The following FAM24B variants were observed in gnomAD, a reference collection of about 807,000 sequenced individuals.
FAM24B encodes the protein protein FAM24B.
A neutral mutation model predicts 2.3 loss-of-function variants in FAM24B; 3 were observed. The ratio of observed to expected loss-of-function variants is 1.29; its 90% CI spans 0.59 to 3.32. FAM24B has a LOEUF of 3.32. Ranked by LOEUF, FAM24B falls within the 30% of genes most tolerant of loss-of-function variation. FAM24B has a pLI of 0.03. For missense variants in FAM24B, 98 were observed against 117.2 expected, an observed-to-expected ratio of 0.84 and a Z score of 0.76; for synonymous variants, 36 against 46.3, an observed-to-expected ratio of 0.78 and a Z score of 0.90.
chr10:122,849,454 C>A lies in FAM24B; in HGVS notation c.93-15G>T, dbSNP rs749167641. ...CCTTTGCAGCTCTTGAGAAAAGACA[C>A]ACACAAAGCACAGGCTTAGAATTTT... On this transcript the variant is annotated splice_polypyrimidine_tract_variant and intron_variant, in intron 3 of 3. Coordinates refer to ENST00000368898, the MANE Select transcript of FAM24B (RefSeq NM_152644.3). 2 of 1,595,716 alleles carry A rather than the reference C, an allele frequency of 1.3e-6. No individual in the cohort carries two copies. The highest frequency in any genetic ancestry group is 1.7e-6 in the Non-Finnish European group (2 of 1,170,714).
chr10:122,871,941 A>G (rs894194782), intron 1 of FAM24B, among the ~76,000 whole-genome samples: 2 of 152,224 alleles, frequency 1.3e-5, no homozygotes, highest in African/African-American at 4.8e-5. Context: ...GACAAACGGG[A>G]TCTAATTAAA....
chr10:122,876,594 C>T (rs1165871018), intron 1 of FAM24B, among the ~76,000 whole-genome samples: 1 of 152,212 alleles, frequency 6.6e-6, no homozygotes, highest in East Asian at 1.9e-4. Flanking sequence ...AGCAAGTCAT[C>T]AATGACCATT....
chr10:122,870,362 G>A (rs1300874826), intron 1 of FAM24B, among the ~76,000 whole-genome samples: 3 of 152,146 alleles, frequency 2.0e-5, no homozygotes, highest in African/African-American at 4.8e-5. Flanking sequence ...GAGGTACAAG[G>A]AGGAGCTGGT....
At chr10:122,877,581 A>G (rs1449399385) in intron 1 of FAM24B, among the ~76,000 whole-genome samples, 1 of 152,182 alleles carries the variant, frequency 6.6e-6, no homozygotes, top group Non-Finnish European at 1.5e-5. Flanking sequence ...TCTGAATAAT[A>G]ACTGATAATA....
chr10:122,868,023 AAAG>A (rs1847828777), intron 1 of FAM24B, among the ~76,000 whole-genome samples: 1 of 152,206 alleles, frequency 6.6e-6, no homozygotes, highest in Non-Finnish European at 1.5e-5. Context: ...AACCAATGGC[AAAG>A]AAGTTAAAAA....
At chr10:122,877,197 C>T (rs1433571874) in intron 1 of FAM24B, among the ~76,000 whole-genome samples, 1 of 152,216 alleles carries the variant, frequency 6.6e-6, no homozygotes, top group Non-Finnish European at 1.5e-5. Context: ...CAGCACAACA[C>T]CCTGGCTTTG....
At chr10:122,871,524 T>C (rs1344390955) in intron 1 of FAM24B, among the ~76,000 whole-genome samples, 2 of 151,396 alleles carry the variant, frequency 1.3e-5, no homozygotes, top group Non-Finnish European at 3.0e-5. Flanking sequence ...TCACGCTACC[T>C]GACTTCAAAC....
At chr10:122,855,351 A>G (rs1847620443) in intron 2 of FAM24B, 1 of 152,192 alleles carries the variant, frequency 6.6e-6, no homozygotes, top group Admixed American at 6.5e-5. Flanking sequence ...TGACTGTAAA[A>G]TCAGTTTTAA....
intron 1 of FAM24B, among the ~76,000 whole-genome samples, chr10:122,858,198 A>G (rs1847668537): frequency 6.6e-6 from 1 of 152,206 alleles, no homozygotes; most frequent in Non-Finnish European, 1.5e-5. Context: ...TGTGGCACAT[A>G]TACACCATGG....
At chr10:122,858,990 C>T (rs764910648) in intron 1 of FAM24B, among the ~76,000 whole-genome samples, 4 of 152,184 alleles carry the variant, frequency 2.6e-5, no homozygotes, top group Non-Finnish European at 4.4e-5. Flanking sequence ...TTTCCATCAG[C>T]GGTTCCTCTT....
At chr10:122,871,596 C>T (rs1295891017) in intron 1 of FAM24B, among the ~76,000 whole-genome samples, 9 of 152,102 alleles carry the variant, frequency 5.9e-5, no homozygotes, top group East Asian at 1.9e-4. Flanking sequence ...GAGATATAGA[C>T]CGATGGAACA....
chr10:122,875,808 G>A (rs1445820559), intron 1 of FAM24B, among the ~76,000 whole-genome samples: 1 of 152,144 alleles, frequency 6.6e-6, no homozygotes, highest in African/African-American at 2.4e-5. Flanking sequence ...TCAGGAGTTG[G>A]ACAAGTGGGT....
chr10:122,850,457 A>G lies in FAM24B; in HGVS notation c.59T>C (p.Leu20Pro). ...GTTGTGTATTTTGAAGTAAAGACAG[A>G]GCACGACAACTATCAGCAGGAGCAA... ...AALLLLIVVV[L>P]CLYFKIHNAL... Residue 20 changes from leucine to proline, a missense_variant, in exon 3 of 4, where the codon CTC becomes CCC. Transcript: ENST00000368898. The G allele has an allele frequency of 6.2e-7, 1 of 1,614,132 alleles. No individual in the cohort carries two copies. The highest frequency in any genetic ancestry group is 8.5e-7 in the Non-Finnish European group (1 of 1,179,994).
Position 122,869,954 on chromosome 10 carries a change from T to C in FAM24B, c.-178+9531A>G, listed in dbSNP as rs151011815. On this transcript the variant is annotated intron_variant, in intron 1 of 3. Transcript: ENST00000368898. Reference sequence around the variant, plus strand: ...AAGATCAGAGCAGAACTGAAGGAAATAGAGACACAAAAAGCCCTTCAAAAA... The same window carrying C: ...AAGATCAGAGCAGAACTGAAGGAAACAGAGACACAAAAAGCCCTTCAAAAA... 7.1e-3 allele frequency among the ~76,000 whole-genome samples: 1,078 copies of C among 151,898 alleles called. 4 individuals are homozygous for C. Among genetic ancestry groups the C allele is most frequent in the Non-Finnish European group, 0.011 (763 of 67,938 alleles).
Position 122,849,341 on chromosome 10 carries a change from G to A in FAM24B, c.191C>T (p.Ser64Phe). The A allele has an allele frequency of 1.9e-6, 3 of 1,613,624 alleles. No homozygotes were observed. Among genetic ancestry groups the A allele is most frequent in the Non-Finnish European group, 2.5e-6 (3 of 1,179,792 alleles). The stretch of plus-strand genomic sequence containing the variant: ...TTCACAGCACTGCAGGGCAGGACAA[G>A]ACTCCGTGGCAATGGTTTTGGCCTG... ...NSQAKTIATE[S>F]CPALQCCEGY... is the part of the protein sequence containing the mutation. The change falls in exon 4 of 4, where the codon TCT becomes TTT. Residue 64 changes from serine to phenylalanine, a missense_variant. Transcript: ENST00000368898.
chr10:122,878,874 T>C (rs562842596), intron 1 of FAM24B, among the ~76,000 whole-genome samples: 2 of 152,006 alleles, frequency 1.3e-5, no homozygotes, highest in Admixed American at 1.3e-4. Flanking sequence ...CTTATAGTAT[T>C]GATCTTGCTC....
At chr10:122,850,620 C>G (rs1771966988) in intron 2 of FAM24B, 70 bp from the exon 3 acceptor site, 2 of 784,752 alleles carry the variant, frequency 2.5e-6, no homozygotes, top group Non-Finnish European at 4.6e-6. Context: ...CTAAGCAATG[C>G]CAATGTCAGG....
At chr10:122,858,378 G>C (rs185168777) in intron 1 of FAM24B, among the ~76,000 whole-genome samples, 3 of 146,096 alleles carry the variant, frequency 2.1e-5, no homozygotes, top group Non-Finnish European at 4.5e-5. Flanking sequence ...ACAGGAAGGG[G>C]AACATCACAC....
At chr10:122,849,491 C>G in intron 3 of FAM24B, 52 bp from the exon 4 acceptor site, 2 of 1,518,076 alleles carry the variant, frequency 1.3e-6, no homozygotes, top group Non-Finnish European at 1.8e-6. Flanking sequence ...CTTCTCAGCC[C>G]TTTTGTTAGA....
Sources: gnomAD v4.1 joint callset for allele counts (sites outside exome capture counted in the v4.1 genomes callset) on GRCh38, gnomAD v4.1.1 for gene constraint, MANE v1.5 for transcripts, NCBI Gene and HGNC (gene_info 2026-07-23, HGNC 2026-07-21) for gene names.